Variants in ADGRB3 observed in about 807,000 individuals in gnomAD.
The protein encoded by ADGRB3 is brain-specific angiogenesis inhibitor 3.
In ADGRB3, 37 loss-of-function variants were observed where a neutral mutation model predicts 193.4. The ratio of observed to expected loss-of-function variants is 0.19; its 90% CI spans 0.15 to 0.25. The LOEUF is 0.25. Ranked by LOEUF, ADGRB3 falls within the 10% of genes least tolerant of loss-of-function variation. The pLI, the probability that ADGRB3 is intolerant of heterozygous loss-of-function variation, is 1.00. For synonymous variants in ADGRB3, 690 were observed against 644.2 expected (o/e 1.07, Z -1.08); for missense variants, 1,637 against 1,852.9 (o/e 0.88, Z 2.14).
intron 3 of ADGRB3, among the ~76,000 whole-genome samples, chr6:68,764,811 CAA>C (rs1304919624): frequency 1.3e-5 from 2 of 152,140 alleles, no homozygotes; most frequent in African/African-American, 4.8e-5. Context: ...TGAAATGTTT[CAA>C]CATGGTGCGT....
chr6:68,639,165 A>G lies in ADGRB3; in HGVS notation c.490A>G (p.Ser164Gly), dbSNP rs1218477736. 6.2e-7 allele frequency: 1 copy of G among 1,614,210 alleles called. No homozygotes were observed. Among genetic ancestry groups the G allele is most frequent in the Non-Finnish European group, 8.5e-7 (1 of 1,180,050 alleles). Residue 164 changes from serine (S) to glycine (G), a missense_variant, in exon 3 of 32, where the codon AGC becomes GGC. Around this residue, in one of 7 missense-constraint regions of ADGRB3, gnomAD observed 365 missense variants for 409.8 expected, o/e 0.89. Transcript: ENST00000370598. ...TTTGGTATTGAACAAGGTCAGCCCA[A>G]GCCAGTTTGGTTGCCATGTATTATG... is the stretch of plus-strand genomic sequence containing the variant. ...EFLVLNKVSPSQFGCHVLCTW... is the reference protein window; with the variant it reads ...EFLVLNKVSPGQFGCHVLCTW...
At chr6:68,962,042 G>C (rs1196740151) in intron 8 of ADGRB3, among the ~76,000 whole-genome samples, 1 of 152,136 alleles carries the variant, frequency 6.6e-6, no homozygotes, top group East Asian at 1.9e-4. Flanking sequence ...CATACCAGTT[G>C]TTAACCTAAA....
chr6:69,071,655 A>C (rs1230819285), intron 16 of ADGRB3, among the ~76,000 whole-genome samples: 1 of 152,178 alleles, frequency 6.6e-6, no homozygotes, highest in African/African-American at 2.4e-5. Context: ...TTTGTCAAGA[A>C]TATAATTTCC....
intron 3 of ADGRB3, among the ~76,000 whole-genome samples, chr6:68,927,260 G>A (rs528971861): frequency 6.6e-6 from 1 of 152,126 alleles, no homozygotes; most frequent in Admixed American, 6.5e-5. Flanking sequence ...ATTTGGTTAT[G>A]TTCTTTTTCT....
rs76554849 is a variant in ADGRB3, at chr6:68,796,963, C to A, written c.758-133596C>A. On this transcript the variant is annotated intron_variant, in intron 3 of 31. Coordinates refer to ENST00000370598, the MANE Select transcript of ADGRB3 (RefSeq NM_001704.3). ...AGCTATTTGAAAATGCTTCCAGAGA[C>A]ATGAAGTGTATTTGTTTTCCTAATT... Among the ~76,000 whole-genome samples the A allele has an allele frequency of 1.4e-3, 218 of 152,192 alleles. 4 individuals are homozygous for A. In the East Asian group the frequency reaches 0.04, roughly 28 times the overall value.
At chr6:69,076,201 G>A (rs1346640973) in intron 17 of ADGRB3, among the ~76,000 whole-genome samples, 163 bp downstream of exon 17, 1 of 152,068 alleles carries the variant, frequency 6.6e-6, no homozygotes, top group Non-Finnish European at 1.5e-5. Context: ...TGATGAATGT[G>A]TTTGTGTGTA....
At chr6:69,346,787 C>T (rs1041631458) in intron 26 of ADGRB3, among the ~76,000 whole-genome samples, 1 of 152,194 alleles carries the variant, frequency 6.6e-6, no homozygotes, top group African/African-American at 2.4e-5. Context: ...TTGTGGAAGA[C>T]AGTGTGATGA....
intron 5 of ADGRB3, among the ~76,000 whole-genome samples, chr6:68,942,556 T>G (rs1304837796): frequency 6.6e-6 from 1 of 152,138 alleles, no homozygotes; most frequent in Non-Finnish European, 1.5e-5. Flanking sequence ...GTCTCAAGTA[T>G]TAAGAATTAG....
chr6:68,691,591 T>C (rs191349444), intron 3 of ADGRB3, among the ~76,000 whole-genome samples: 12 of 152,178 alleles, frequency 7.9e-5, no homozygotes, highest in African/African-American at 2.9e-4. Context: ...CATTGACTTT[T>C]GTTGTCACTA....
intron 20 of ADGRB3, among the ~76,000 whole-genome samples, chr6:69,309,391 T>C (rs1018683155): frequency 6.6e-6 from 1 of 151,710 alleles, no homozygotes; most frequent in Non-Finnish European, 1.5e-5. Flanking sequence ...TAGTCATGCA[T>C]TAAATTGCAT....
At chr6:68,717,220 G>A (rs1765503542) in intron 3 of ADGRB3, among the ~76,000 whole-genome samples, 1 of 151,610 alleles carries the variant, frequency 6.6e-6, no homozygotes, top group Non-Finnish European at 1.5e-5. Context: ...AGTTTTAAGT[G>A]TTAAACATGC....
intron 13 of ADGRB3, among the ~76,000 whole-genome samples, chr6:69,026,003 G>A (rs555790731): frequency 4.7e-4 from 71 of 152,284 alleles, no homozygotes; most frequent in Admixed American, 1.2e-3. Flanking sequence ...CCTAGTGCTA[G>A]TATAATAGAT....
chr6:69,003,511 G>A (rs1265083603), intron 11 of ADGRB3, among the ~76,000 whole-genome samples: 1 of 152,050 alleles, frequency 6.6e-6, no homozygotes, highest in Non-Finnish European at 1.5e-5. Context: ...GCCTGGCTCA[G>A]TAGAAAATAA....
chr6:69,050,091 T>A (rs1771348361), intron 15 of ADGRB3, among the ~76,000 whole-genome samples: 1 of 152,224 alleles, frequency 6.6e-6, no homozygotes, highest in Non-Finnish European at 1.5e-5. Context: ...CGATCACAGT[T>A]GGACTTCTTT....
chr6:69,175,019 A>G (rs766574045), intron 17 of ADGRB3, among the ~76,000 whole-genome samples: 5 of 152,164 alleles, frequency 3.3e-5, no homozygotes, highest in Admixed American at 2.6e-4. Flanking sequence ...CCCTTGTCAC[A>G]TGCATACTTT....
intron 17 of ADGRB3, among the ~76,000 whole-genome samples, chr6:69,139,085 A>G (rs533300891): frequency 2.0e-5 from 3 of 152,280 alleles, no homozygotes; most frequent in Middle Eastern, 3.4e-3. Flanking sequence ...GTTCAACTCT[A>G]TTTTCATACC....
At chr6:68,949,529 G>A (rs1220558698) in intron 6 of ADGRB3, among the ~76,000 whole-genome samples, 6 of 152,276 alleles carry the variant, frequency 3.9e-5, no homozygotes, top group African/African-American at 1.4e-4. Flanking sequence ...ATGGGAGGAT[G>A]CCCTGCCCTC....
intron 3 of ADGRB3, among the ~76,000 whole-genome samples, chr6:68,902,521 T>C (rs1396104193): frequency 2.0e-5 from 3 of 151,972 alleles, no homozygotes; most frequent in Non-Finnish European, 2.9e-5. Flanking sequence ...TAAATAAATA[T>C]AGAATAAGAG....
intron 3 of ADGRB3, among the ~76,000 whole-genome samples, chr6:68,788,671 C>T (rs753915408): frequency 1.5e-4 from 23 of 152,050 alleles, no homozygotes; most frequent in South Asian, 6.2e-4. Flanking sequence ...CTATTAGGTC[C>T]GCTTGGCGCA....
Sources: allele counts gnomAD v4.1 joint callset (sites outside exome capture counted in the v4.1 genomes callset), GRCh38; gene constraint gnomAD v4.1.1; regional missense constraint gnomAD v4.1.1; transcripts MANE v1.5; gene names NCBI Gene and HGNC (gene_info 2026-07-23, HGNC 2026-07-21).